The following CREB1 variants were observed in gnomAD, a reference collection of about 807,000 sequenced individuals.
CREB1 encodes cAMP responsive element binding protein 1.
In CREB1, 2 loss-of-function variants were observed where a neutral mutation model predicts 42.0. That is an observed-to-expected ratio of 0.05 (90% CI 0.02 to 0.15). The LOEUF (loss-of-function observed/expected upper bound fraction) is 0.15. Among genes scored for constraint, CREB1 ranks in the 10% least tolerant of loss-of-function variants. The pLI, the probability that CREB1 is intolerant of heterozygous loss-of-function variation, is 1.00. For missense variants in CREB1, 199 were observed against 388.9 expected, an observed-to-expected ratio of 0.51 and a Z score of 4.11; for synonymous variants, 123 against 139.9, an observed-to-expected ratio of 0.88 and a Z score of 0.85.
Position 207,555,656 on chromosome 2 carries a change from C to A in CREB1, c.21C>A (p.Ala7=). 6.2e-7 allele frequency: 1 copy of A among 1,612,298 alleles called. No homozygotes were observed. Among genetic ancestry groups the A allele is most frequent in the Non-Finnish European group, 8.5e-7 (1 of 1,178,814 alleles). Residue 7 remains alanine (A), a synonymous_variant, in exon 2 of 8, where the codon GCC becomes GCA. Transcript: ENST00000353267. The stretch of plus-strand genomic sequence containing the variant: ...ACTAAATGACCATGGAATCTGGAGC[C>A]GAGAACCAGCAGAGTGGAGATGCAG... MTMESG[A]ENQQSGDAAV... is the part of the protein sequence containing the mutation.
chr2:207,581,245 C>G, intron 7 of CREB1: 1 of 202,216 alleles, frequency 4.9e-6, no homozygotes, highest in East Asian at 7.7e-5. Flanking sequence ...TATAAATAGG[C>G]AGATTCTTAG....
Position 207,605,916 on chromosome 2 carries a change from TG to T in CREB1, c.*8859del, listed in dbSNP as rs2088013284. On this transcript the variant is annotated 3_prime_UTR_variant, in exon 8 of 8. Coordinates refer to ENST00000353267, the MANE Select transcript of CREB1 (RefSeq NM_004379.5). ...CTAAGCAATTTTTATTAACTTATGTTGATTACTATTTTTATGTCAAACTTTA... is the reference window on the plus strand; with the variant it reads ...CTAAGCAATTTTTATTAACTTATGTTATTACTATTTTTATGTCAAACTTTA... Among the ~76,000 whole-genome samples the T allele has an allele frequency of 6.6e-6, 1 of 152,250 alleles. No homozygotes were observed. Among genetic ancestry groups the T allele is most frequent in the African/African-American group, 2.4e-5 (1 of 41,476 alleles).
intron 1 of CREB1, among the ~76,000 whole-genome samples, chr2:207,543,399 T>A (rs1011547335): frequency 6.6e-6 from 1 of 152,158 alleles, no homozygotes; most frequent in Non-Finnish European, 1.5e-5. Flanking sequence ...TTTGGGAAAT[T>A]CACAGTTACA....
chr2:207,582,883 T>A, intron 7 of CREB1: 1 of 307,494 alleles, frequency 3.3e-6, no homozygotes, highest in South Asian at 2.7e-5. Context: ...AGAGTGAGAC[T>A]CTGTCTCAAA....
chr2:207,533,657 A>C lies in CREB1; in HGVS notation c.-9+3523A>C, dbSNP rs918867537. The stretch of plus-strand genomic sequence containing the variant: ...TGGCTTCTTTATTGAATAGAGCTCA[A>C]ATCTAAATTTAAGAATGTAATGAGA... On this transcript the variant is annotated intron_variant, in intron 1 of 7. Transcript: ENST00000353267. Among the ~76,000 whole-genome samples the C allele has an allele frequency of 3.9e-5, 6 of 152,298 alleles. 1 individual carries two copies. The highest frequency in any genetic ancestry group is 1.4e-4 in the African/African-American group (6 of 41,558).
chr2:207,549,209 T>C (rs927420369), intron 1 of CREB1, among the ~76,000 whole-genome samples: 5 of 152,230 alleles, frequency 3.3e-5, no homozygotes, highest in African/African-American at 9.6e-5. Context: ...TGTGTACATA[T>C]ATACATACAT....
Position 207,605,526 on chromosome 2 carries a change from T to TAA in CREB1, c.*8475_*8476dup, listed in dbSNP as rs374747042. On this transcript the variant is annotated 3_prime_UTR_variant, in exon 8 of 8. Coordinates refer to ENST00000353267, the MANE Select transcript of CREB1 (RefSeq NM_004379.5). ...TTACTTTATGTAATATGTACACTTC[T>TAA]AAAAAAAAGAAACATGGAAAAGGGC... Among the ~76,000 whole-genome samples the TAA allele has an allele frequency of 6.6e-6, 1 of 152,026 alleles. No homozygotes were observed. Among genetic ancestry groups the TAA allele is most frequent in the Non-Finnish European group, 1.5e-5 (1 of 68,004 alleles).
At position 207,599,417 on chromosome 2, in the gene CREB1, C is replaced by T. The variant is rs577489471; in HGVS notation, c.*2359C>T. The T allele has an allele frequency of 3.5e-5, 7 of 201,520 alleles. No individual in the cohort carries two copies. In the East Asian group the frequency reaches 5.4e-4, roughly 16 times the overall value. The allele number at this position is 201,520 out of a possible 1,614,324, so 12.5% of individuals were successfully genotyped here. ...GTTTAGCAGTTTGTATTCTCTAAAG[C>T]TTTTTTTCAAAAGTTCAGGCTTTCT... On this transcript the variant is annotated 3_prime_UTR_variant, in exon 8 of 8. Transcript: ENST00000353267.
chr2:207,554,675 A>G (rs1004667716), intron 1 of CREB1, among the ~76,000 whole-genome samples: 2 of 152,176 alleles, frequency 1.3e-5, no homozygotes, highest in African/African-American at 2.4e-5. Context: ...CTACAAATAT[A>G]CTAAGTGCTT....
Position 207,558,051 on chromosome 2 carries a change from TGTG to T in CREB1, c.115-2174_115-2172del, listed in dbSNP as rs1395933681. Among the ~76,000 whole-genome samples, 60 of 152,322 alleles carry T rather than the reference TGTG, an allele frequency of 3.9e-4. 2 individuals are homozygous for T. The highest frequency in any genetic ancestry group is 1.3e-3 in the African/African-American group (54 of 41,576). On this transcript the variant is annotated intron_variant, in intron 2 of 7. Transcript: ENST00000353267. The stretch of plus-strand genomic sequence containing the variant: ...AGAGTTGACTTTACAGAGTATCCTG[TGTG>T]ACTCTAATGAAGCTATTCCATGGAC...
chr2:207,564,129 C>A (rs2082053852), intron 3 of CREB1, among the ~76,000 whole-genome samples: 2 of 151,574 alleles, frequency 1.3e-5, no homozygotes, highest in Admixed American at 1.3e-4. Flanking sequence ...AAATGTATGC[C>A]TGTGTAAAAT....
At position 207,569,456 on chromosome 2, in the gene CREB1, CA is replaced by C. The variant is rs560689749; in HGVS notation, c.363-722del. Among the ~76,000 whole-genome samples the C allele has an allele frequency of 2.0e-5, 3 of 152,102 alleles. No homozygotes were observed. In the East Asian group the frequency reaches 5.8e-4, roughly 29 times the overall value. ...TAGCTTTGCTAACAGATTTTGTTAA[CA>C]CTTTTTTGTTTCCCAATCTGAGAAG... On this transcript the variant is annotated intron_variant, in intron 4 of 7. Transcript: ENST00000353267.
intron 1 of CREB1, among the ~76,000 whole-genome samples, chr2:207,546,732 A>AC (rs1220985254): frequency 1.3e-5 from 2 of 151,724 alleles, no homozygotes; most frequent in East Asian, 1.9e-4. Context: ...CTATATCAAA[A>AC]AAAAAACAAA....
chr2:207,541,657 G>T (rs2081104133), intron 1 of CREB1, among the ~76,000 whole-genome samples: 1 of 152,128 alleles, frequency 6.6e-6, no homozygotes, highest in Non-Finnish European at 1.5e-5. Flanking sequence ...TTAAAAATTG[G>T]ACATCATAGA....
chr2:207,602,105 A>G lies in CREB1; in HGVS notation c.*5047A>G. On this transcript the variant is annotated 3_prime_UTR_variant, in exon 8 of 8. Coordinates refer to ENST00000353267, the MANE Select transcript of CREB1 (RefSeq NM_004379.5). ...TGCTTATGATAAGTTCTTATTGATT[A>G]GTGAATGTAGCTTAAGCCTTTGTAT... The G allele has an allele frequency of 4.9e-6, 1 of 204,710 alleles. No homozygotes were observed. The highest frequency in any genetic ancestry group is 1.0e-5 in the Non-Finnish European group (1 of 99,952). The allele number at this position is 204,710 out of a possible 1,614,324, so 12.7% of individuals were successfully genotyped here.
Position 207,545,571 on chromosome 2 carries a change from G to A in CREB1, c.-8-10057G>A, listed in dbSNP as rs566361312. On this transcript the variant is annotated intron_variant, in intron 1 of 7. Coordinates refer to ENST00000353267, the MANE Select transcript of CREB1 (RefSeq NM_004379.5). ...TCCCATAGTATGGGACTACTACTAT[G>A]TAGTAATTTTCAGTTCTGCTGAAAA... Among the ~76,000 whole-genome samples the A allele has an allele frequency of 1.4e-4, 21 of 152,170 alleles. 1 individual carries two copies. The highest frequency in any genetic ancestry group is 4.8e-4 in the African/African-American group (20 of 41,494).
intron 1 of CREB1, among the ~76,000 whole-genome samples, chr2:207,551,859 C>T (rs2081517209): frequency 6.6e-6 from 1 of 151,630 alleles, no homozygotes; most frequent in Non-Finnish European, 1.5e-5. Context: ...CTGGCTGACA[C>T]AGTGAAGCCC....
intron 1 of CREB1, among the ~76,000 whole-genome samples, chr2:207,544,042 C>T (rs2106386315): frequency 6.6e-6 from 1 of 152,274 alleles, no homozygotes; most frequent in East Asian, 1.9e-4. Flanking sequence ...GCTTCAGCCT[C>T]CTGAGTAGCT....
At chr2:207,553,240 T>C in intron 1 of CREB1, among the ~76,000 whole-genome samples, 1 of 151,786 alleles carries the variant, frequency 6.6e-6, no homozygotes, top group Non-Finnish European at 1.5e-5. Context: ...GGCTAGTTTT[T>C]ATGTTTTTAG....
Sources: allele counts gnomAD v4.1 joint callset (sites outside exome capture counted in the v4.1 genomes callset), GRCh38; gene constraint gnomAD v4.1.1; transcripts MANE v1.5; gene names NCBI Gene and HGNC (gene_info 2026-07-23, HGNC 2026-07-21).